The following CCNH variants were observed in gnomAD, a reference collection of about 807,000 sequenced individuals.
CCNH encodes cyclin H.
A neutral mutation model predicts 41.9 loss-of-function variants in CCNH; 31 were observed. That is an observed-to-expected ratio of 0.74 (90% CI 0.56 to 1.00). CCNH has a LOEUF of 1.00. Ranked by LOEUF, CCNH falls within the 50% of genes least tolerant of loss-of-function variation. The probability of loss-of-function intolerance (pLI) is 0.00; values close to 1 mark genes in which losing one functional copy is unlikely to be tolerated. For missense variants in CCNH, 362 were observed against 388.4 expected, an observed-to-expected ratio of 0.93 and a Z score of 0.57; for synonymous variants, 138 against 136.1, an observed-to-expected ratio of 1.01 and a Z score of -0.10.
chr5:87,409,188 T>TTCTC (rs150775288), intron 3 of CCNH, 102 bp downstream of exon 3: 19 of 573,800 alleles, frequency 3.3e-5, no homozygotes, highest in Middle Eastern at 2.7e-4. Flanking sequence ...AGGAAGTCAG[T>TTCTC]TCTCTCTCTC....
At chr5:87,362,293 C>T (rs959441647) in intron 9 of CCNH, among the ~76,000 whole-genome samples, 9 of 152,062 alleles carry the variant, frequency 5.9e-5, no homozygotes, top group African/African-American at 2.2e-4. Context: ...TATTAGGTAT[C>T]CATGGAAACA....
At chr5:87,386,108 C>A (rs539207828) in intron 9 of CCNH, among the ~76,000 whole-genome samples, 2 of 151,868 alleles carry the variant, frequency 1.3e-5, no homozygotes, top group South Asian at 2.1e-4. Context: ...GGGTACTATA[C>A]TTTTTTCTTT....
downstream of CCNH, among the ~76,000 whole-genome samples, chr5:87,316,211 T>C (rs1756323086): frequency 6.6e-6 from 1 of 152,222 alleles, no homozygotes; most frequent in Non-Finnish European, 1.5e-5. Flanking sequence ...TTCTGTTGCC[T>C]GTAATAGATG....
At chr5:87,412,505 CT>C (rs1764333850) in intron 1 of CCNH, 172 bp downstream of exon 1, 3 of 1,434,924 alleles carry the variant, frequency 2.1e-6, no homozygotes, top group Non-Finnish European at 2.7e-6. Flanking sequence ...CGTTGTTCGT[CT>C]TTGTACCCAC....
chr5:87,357,383 A>G (rs1759731208), intron 9 of CCNH, among the ~76,000 whole-genome samples: 1 of 152,074 alleles, frequency 6.6e-6, no homozygotes, highest in South Asian at 2.1e-4. Context: ...CTGTATCCTC[A>G]ATTCTAATTC....
At chr5:87,393,206 G>A (rs1762648378), downstream of CCNH, among the ~76,000 whole-genome samples, 1 of 152,126 alleles carries the variant, frequency 6.6e-6, no homozygotes, top group African/African-American at 2.4e-5. Flanking sequence ...GGAAAGTACA[G>A]CCTGGGATGT....
intron 9 of CCNH, among the ~76,000 whole-genome samples, chr5:87,383,474 T>G (rs552305093): frequency 6.6e-6 from 1 of 152,194 alleles, no homozygotes; most frequent in East Asian, 1.9e-4. Context: ...TAATCCACAT[T>G]CTAAATTGGG....
chr5:87,394,148 C>T, downstream of CCNH: 2 of 703,200 alleles, frequency 2.8e-6, no homozygotes, highest in Non-Finnish European at 3.6e-6. Flanking sequence ...TTTGTGGTGC[C>T]TTTTTTAAAA....
At chr5:87,335,028 G>T (rs943535182) in intron 9 of CCNH, among the ~76,000 whole-genome samples, 1 of 152,094 alleles carries the variant, frequency 6.6e-6, no homozygotes, top group Admixed American at 6.5e-5. Flanking sequence ...AATTACAGGC[G>T]TGTGTCACCA....
At chr5:87,350,483 GATAAA>G (rs1759182942) in intron 9 of CCNH, among the ~76,000 whole-genome samples, 1 of 151,716 alleles carries the variant, frequency 6.6e-6, no homozygotes, top group African/African-American at 2.4e-5. Context: ...CCTTTTTAAA[GATAAA>G]ATAATTTACA....
chr5:87,344,763 C>T (rs558671446), intron 9 of CCNH, among the ~76,000 whole-genome samples: 2 of 150,888 alleles, frequency 1.3e-5, no homozygotes, highest in Admixed American at 1.3e-4. Context: ...AAGTGATCCT[C>T]CCACCTTGGC....
At chr5:87,338,536 A>ATATATATTTT in intron 9 of CCNH, among the ~76,000 whole-genome samples, 47 of 85,208 alleles carry the variant, frequency 5.5e-4, no homozygotes, top group African/African-American at 1.5e-3. Context: ...TATATATAAA[A>ATATATATTTT]TTTTTTTTTT....
chr5:87,391,534 T>G (rs1321132651), downstream of CCNH: 1 of 237,822 alleles, frequency 4.2e-6, no homozygotes, highest in East Asian at 6.0e-5. Flanking sequence ...CGACTTATTT[T>G]GTTGAAATTG....
intron 9 of CCNH, among the ~76,000 whole-genome samples, chr5:87,348,442 A>T (rs1222534384): frequency 6.6e-6 from 1 of 152,034 alleles, no homozygotes; most frequent in Non-Finnish European, 1.5e-5. Context: ...CAAAGATATC[A>T]GAAATACTTC....
chr5:87,357,890 A>C (rs1379657230), intron 9 of CCNH, among the ~76,000 whole-genome samples: 2 of 152,152 alleles, frequency 1.3e-5, no homozygotes, highest in African/African-American at 2.4e-5. Context: ...GAAATAATTG[A>C]TGCTGATTAT....
chr5:87,376,221 G>A (rs570452914), downstream of CCNH: 38 of 737,456 alleles, frequency 5.2e-5, no homozygotes, highest in South Asian at 2.1e-4. Context: ...TTAGTGCACC[G>A]TAGACACTCA....
chr5:87,355,368 T>G (rs1759573410), intron 9 of CCNH, among the ~76,000 whole-genome samples: 1 of 152,172 alleles, frequency 6.6e-6, no homozygotes, highest in South Asian at 2.1e-4. Context: ...GCATCAGAAT[T>G]ATGCCAAATC....
At chr5:87,382,331 C>T (rs1403706821) in intron 9 of CCNH, among the ~76,000 whole-genome samples, 1 of 152,134 alleles carries the variant, frequency 6.6e-6, no homozygotes, top group Admixed American at 6.5e-5. Flanking sequence ...CAAACAGGTA[C>T]ATGTTCAAAG....
At chr5:87,350,435 T>C (rs1580328325) in intron 9 of CCNH, among the ~76,000 whole-genome samples, 1 of 152,020 alleles carries the variant, frequency 6.6e-6, no homozygotes, top group South Asian at 2.1e-4. Flanking sequence ...ACTGAAAATA[T>C]ATCATCTTCT....
Sources: allele counts gnomAD v4.1 joint callset (sites outside exome capture counted in the v4.1 genomes callset), GRCh38; gene constraint gnomAD v4.1.1; transcripts MANE v1.5; gene names NCBI Gene and HGNC (gene_info 2026-07-23, HGNC 2026-07-21).